The following ARGLU1 variants were observed in gnomAD, a reference collection of about 807,000 sequenced individuals.
ARGLU1 encodes arginine and glutamate rich 1.
In ARGLU1, 9 loss-of-function variants were observed where a neutral mutation model predicts 37.6. The observed-to-expected ratio is 0.24, with a 90% CI of 0.14 to 0.42. The LOEUF is 0.42. Among genes scored for constraint, ARGLU1 ranks in the 10% least tolerant of loss-of-function variants. ARGLU1 has a pLI of 1.00. For missense variants in ARGLU1, 211 were observed against 359.2 expected, an observed-to-expected ratio of 0.59 and a Z score of 3.34; for synonymous variants, 166 against 138.5, an observed-to-expected ratio of 1.20 and a Z score of -1.39.
At chr13:106,546,953 C>T (rs1374663832) in intron 3 of ARGLU1, among the ~76,000 whole-genome samples, 1 of 152,114 alleles carries the variant, frequency 6.6e-6, no homozygotes, top group Non-Finnish European at 1.5e-5. Flanking sequence ...AGATGTGGGG[C>T]ATTTAAGCAG....
intron 3 of ARGLU1, among the ~76,000 whole-genome samples, chr13:106,548,516 T>C (rs937369314): frequency 6.6e-6 from 1 of 152,110 alleles, no homozygotes; most frequent in East Asian, 1.9e-4. Flanking sequence ...GATTACGTAG[T>C]GGACAGCTTG....
chr13:106,559,244 A>G, intron 2 of ARGLU1, 188 bp downstream of exon 2: 2 of 1,530,586 alleles, frequency 1.3e-6, no homozygotes. Flanking sequence ...AAAGCTTCCA[A>G]CTTTTAAGTT....
chr13:106,546,599 A>T (rs764498850), intron 3 of ARGLU1, among the ~76,000 whole-genome samples: 11 of 152,206 alleles, frequency 7.2e-5, no homozygotes, highest in Admixed American at 2.0e-4. Flanking sequence ...AAATCATCAC[A>T]AATTTGGGGT....
intron 2 of ARGLU1, chr13:106,559,008 T>C (rs1880727248): frequency 1.0e-6 from 1 of 985,332 alleles, no homozygotes; most frequent in African/African-American, 1.7e-5. Flanking sequence ...CTGCTCTTTT[T>C]AATCTGACTG....
In ARGLU1 at chr13:106,567,821, G is replaced by A. The variant is rs759617578; in HGVS notation, c.99C>T (p.Asp33=). Reference sequence around the variant, plus strand: ...TGGAACGCTTCCGCACGCGCTCCTTGTCCCGGGATCGCGACCGGGACCGGC... The same window carrying A: ...TGGAACGCTTCCGCACGCGCTCCTTATCCCGGGATCGCGACCGGGACCGGC... ...KRSRSRSRSR[D]KERVRKRSKS... The change falls in exon 1 of 4, where the codon GAC becomes GAT. Residue 33 remains aspartate, a synonymous_variant. Transcript: ENST00000400198. This position sits in a 1 kb window ranked among gnomAD's most constrained non-coding sequence, Gnocchi z 4.3. 1.5e-5 allele frequency: 24 copies of A among 1,613,560 alleles called. No individual in the cohort carries two copies. The highest frequency in any genetic ancestry group is 1.7e-5 in the Admixed American group (1 of 59,988).
At position 106,543,937 on chromosome 13, in the gene ARGLU1, A is replaced by G. The variant is rs1880327184; in HGVS notation, c.*59T>C. The G allele has an allele frequency of 2.7e-6, 4 of 1,494,978 alleles. No homozygotes were observed. Among genetic ancestry groups the G allele is most frequent in the African/African-American group, 1.5e-5 (1 of 68,368 alleles). The allele number at this position is 1,494,978 out of a possible 1,614,324, so 92.6% of individuals were successfully genotyped here. A position where few individuals can be genotyped will look rare whatever the true frequency, so the allele number is the denominator to read the frequency against. On this transcript the variant is annotated 3_prime_UTR_variant, in exon 4 of 4. Coordinates refer to ENST00000400198, the MANE Select transcript of ARGLU1 (RefSeq NM_018011.4). ...AACAAAAACAAAAAACCACTTCAAC[A>G]TGAAGCTACCATACAAAGTTTTTCC...
At chr13:106,544,283 G>A in intron 3 of ARGLU1, 123 bp from the exon 4 acceptor site, 3 of 770,008 alleles carry the variant, frequency 3.9e-6, no homozygotes, top group Non-Finnish European at 3.7e-6. Flanking sequence ...CAAAAAAGGG[G>A]GTAAAAACAA....
chr13:106,545,229 A>C (rs996634556), intron 3 of ARGLU1, among the ~76,000 whole-genome samples: 6 of 151,966 alleles, frequency 3.9e-5, no homozygotes, highest in Non-Finnish European at 8.8e-5. Flanking sequence ...TGATCCAATC[A>C]GTGCCAAAAT....
Position 106,557,765 on chromosome 13 carries a change from G to A in ARGLU1, c.574-634C>T. On this transcript the variant is annotated intron_variant, in intron 2 of 3. Coordinates refer to ENST00000400198, the MANE Select transcript of ARGLU1 (RefSeq NM_018011.4). This position sits in a 1 kb window ranked among gnomAD's most constrained non-coding sequence, Gnocchi z 5.0. ...AAAAATGTAATTCATCATTCCTAAG[G>A]CAAACAATTAATAAGAAAAATACAT... The A allele has an allele frequency of 7.6e-7, 1 of 1,312,284 alleles. No homozygotes were observed. The highest frequency in any genetic ancestry group is 9.8e-7 in the Non-Finnish European group (1 of 1,025,194). The allele number at this position is 1,312,284 out of a possible 1,614,324, so 81.3% of individuals were successfully genotyped here.
chr13:106,558,117 C>T (rs1880702217), intron 2 of ARGLU1: 6 of 983,554 alleles, frequency 6.1e-6, no homozygotes, highest in Non-Finnish European at 7.2e-6. Flanking sequence ...GGGTTGTGTC[C>T]GTGTAAAAAA....
Position 106,557,125 on chromosome 13 carries a change from C to G in ARGLU1, c.580G>C (p.Glu194Gln). Reference protein sequence around the residue: ...LAAQKAREEEERAKREELERI... With the variant: ...LAAQKAREEEQRAKREELERI... ...TCTAGCTCCTCACGTTTTGCACGTT[C>G]TTCCTCCTAAAGGGGAGGATATGTT... The change falls in exon 3 of 4, where the codon GAA becomes CAA. Residue 194 changes from glutamate (E) to glutamine (Q), a missense_variant. Transcript: ENST00000400198. The surrounding 1 kb of genome is among the most constrained non-coding windows in gnomAD (Gnocchi z 5.0). 6.2e-7 allele frequency: 1 copy of G among 1,613,308 alleles called. No individual in the cohort carries two copies.
rs11349875 is a variant in ARGLU1 at position 106,543,825 on chromosome 13, GAAAA to G, written c.*167_*170del. ...TGATAAGGATTTGACTTAGTGGAAG[GAAAA>G]AAAAAAAAAAAAAGGGAATTGCAGA... On this transcript the variant is annotated 3_prime_UTR_variant, in exon 4 of 4. Transcript: ENST00000400198. The G allele has an allele frequency of 7.1e-3, 2,877 of 405,054 alleles. No homozygotes were observed. Among genetic ancestry groups the G allele is most frequent in the Middle Eastern group, 0.011 (18 of 1,584 alleles). 25.1% of individuals were successfully genotyped at this position (405,054 alleles called of 1,614,324 possible). A position where few individuals can be genotyped will look rare whatever the true frequency, so the allele number is the denominator to read the frequency against.
chr13:106,550,925 G>C (rs1449124369), intron 3 of ARGLU1, among the ~76,000 whole-genome samples: 1 of 152,122 alleles, frequency 6.6e-6, no homozygotes, highest in Non-Finnish European at 1.5e-5. Flanking sequence ...TTCAGTACCA[G>C]TTGGCAGTTT....
intron 1 of ARGLU1, chr13:106,561,984 C>CTTT (rs921448690): frequency 6.6e-6 from 1 of 152,148 alleles, no homozygotes; most frequent in African/African-American, 2.4e-5. Context: ...CTTTATAGCC[C>CTTT]AAAGGGAGGG....
At chr13:106,547,922 T>C (rs891977929) in intron 3 of ARGLU1, among the ~76,000 whole-genome samples, 6 of 151,976 alleles carry the variant, frequency 3.9e-5, no homozygotes, top group Non-Finnish European at 2.9e-5. Flanking sequence ...GCACTTTAGA[T>C]TGGGTAAAGA....
Position 106,567,547 on chromosome 13 carries a change from CG to C in ARGLU1, c.347+25del, listed in dbSNP as rs757250590. ...CCCGCGCCCTGCTCTCCGCACGCCCCGGTCCCTCCCCGCGCGGGCACTCACA... is the reference window on the plus strand; with the variant it reads ...CCCGCGCCCTGCTCTCCGCACGCCCCGTCCCTCCCCGCGCGGGCACTCACA... On this transcript the variant is annotated intron_variant, in intron 1 of 3. Transcript: ENST00000400198. The surrounding 1 kb of genome is among the most constrained non-coding windows in gnomAD (Gnocchi z 4.3). 1.8e-5 allele frequency: 27 copies of C among 1,522,232 alleles called. 1 individual carries two copies. In the South Asian group the frequency reaches 2.8e-4, roughly 16 times the overall value. 94.3% of individuals were successfully genotyped at this position (1,522,232 alleles called of 1,614,324 possible).
chr13:106,554,412 A>C (rs1880609298), intron 3 of ARGLU1, among the ~76,000 whole-genome samples: 1 of 152,188 alleles, frequency 6.6e-6, no homozygotes, highest in Non-Finnish European at 1.5e-5. Context: ...TTTCCCAATA[A>C]ACATACATAA....
chr13:106,563,008 A>C (rs1566475542), intron 1 of ARGLU1, among the ~76,000 whole-genome samples: 1 of 108,746 alleles, frequency 9.2e-6, no homozygotes, highest in African/African-American at 3.8e-5. Context: ...AAAAAAAAAA[A>C]CAAAAAAAAA....
At chr13:106,558,332 C>A (rs1402671029) in intron 2 of ARGLU1, 1 of 984,872 alleles carries the variant, frequency 1.0e-6, no homozygotes, top group East Asian at 1.1e-4. Flanking sequence ...AAAGACAGGA[C>A]AAGGGAAAAT....
Sources: allele counts gnomAD v4.1 joint callset (sites outside exome capture counted in the v4.1 genomes callset), GRCh38; gene constraint gnomAD v4.1.1; non-coding constraint Gnocchi (gnomAD v3.1); transcripts MANE v1.5; gene names NCBI Gene and HGNC (gene_info 2026-07-23, HGNC 2026-07-21).